GPHN: variants seen among roughly 807,000 people sequenced by gnomAD.
GPHN encodes the protein gephyrin.
Under a neutral mutation model 95.5 loss-of-function variants are expected in GPHN, and 17 were observed. That is an observed-to-expected ratio of 0.18 (90% CI 0.12 to 0.27). The LOEUF is 0.27. Among genes scored for constraint, GPHN ranks in the 10% least tolerant of loss-of-function variants. The pLI, the probability that GPHN is intolerant of heterozygous loss-of-function variation, is 1.00. For missense variants in GPHN, 660 were observed against 978.1 expected (o/e 0.67, Z 4.34); for synonymous variants, 320 against 322.5 (o/e 0.99, Z 0.08).
At chr14:67,557,404 C>T in the GPHN span, 1 of 1,613,362 alleles carries the variant, frequency 6.2e-7, no homozygotes, top group Non-Finnish European at 8.5e-7. Flanking sequence ...GCTAGAGGCT[C>T]AGCTGGAGAA....
the GPHN span, among the ~76,000 whole-genome samples, chr14:67,389,536 C>T: frequency 6.6e-6 from 1 of 152,228 alleles, no homozygotes; most frequent in Admixed American, 6.5e-5. Flanking sequence ...ATCTCTTCTG[C>T]ACTGTTTCCA....
At chr14:67,729,246 C>T in the GPHN span, 1 of 1,610,296 alleles carries the variant, frequency 6.2e-7, no homozygotes, top group Non-Finnish European at 8.5e-7. Context: ...CTGAGCTGGT[C>T]CGGCACTCCT....
chr14:67,547,887 G>A, the GPHN span, among the ~76,000 whole-genome samples: 3 of 152,168 alleles, frequency 2.0e-5, no homozygotes, highest in East Asian at 5.8e-4. Context: ...AGAGAGAGCC[G>A]GATGAAGGGA....
the GPHN span, among the ~76,000 whole-genome samples, chr14:67,323,245 G>A: frequency 1.4e-5 from 2 of 141,206 alleles, no homozygotes; most frequent in African/African-American, 5.7e-5. Context: ...GTGTGTGTGT[G>A]TGTGTGTGTG....
intron 8 of GPHN, among the ~76,000 whole-genome samples, chr14:66,947,321 C>T (rs562898700): frequency 6.6e-6 from 1 of 152,208 alleles, no homozygotes; most frequent in African/African-American, 2.4e-5. Flanking sequence ...CACTGCCCAC[C>T]TAAATTATGC....
At chr14:67,431,607 G>A in the GPHN span, among the ~76,000 whole-genome samples, 3 of 151,944 alleles carry the variant, frequency 2.0e-5, no homozygotes, top group African/African-American at 7.3e-5. Flanking sequence ...TGGGAGGATC[G>A]CTTGAGCCCA....
chr14:66,986,507 A>T (rs545733579), intron 9 of GPHN, among the ~76,000 whole-genome samples: 1 of 152,132 alleles, frequency 6.6e-6, no homozygotes, highest in African/African-American at 2.4e-5. Flanking sequence ...GTACTCAAAC[A>T]TTTAATCATA....
intron 2 of GPHN, among the ~76,000 whole-genome samples, chr14:66,709,902 G>T (rs925738895): frequency 6.6e-6 from 1 of 151,906 alleles, no homozygotes; most frequent in East Asian, 1.9e-4. Flanking sequence ...AGAGAAGTTG[G>T]ATTGCAGGAA....
chr14:66,681,020 C>A (rs2153395248), intron 1 of GPHN, 87 bp from the exon 2 acceptor site: 5 of 741,750 alleles, frequency 6.7e-6, no homozygotes, highest in South Asian at 1.6e-5. Flanking sequence ...AGCTATTTTT[C>A]ATTTCAAAAT....
chr14:67,540,703 G>A, the GPHN span, among the ~76,000 whole-genome samples: 89 of 151,906 alleles, frequency 5.9e-4, no homozygotes, highest in Middle Eastern at 3.4e-3. Context: ...GTGACCATGT[G>A]TCATGGTTTG....
At chr14:67,697,115 G>GTGTATA in the GPHN span, among the ~76,000 whole-genome samples, 190 of 152,292 alleles carry the variant, frequency 1.2e-3, no homozygotes, top group Non-Finnish European at 2.3e-3. Flanking sequence ...TAGTGTACTA[G>GTGTATA]GCACTGTGCT....
chr14:66,517,849 C>T, intron 1 of GPHN, among the ~76,000 whole-genome samples: 1 of 151,914 alleles, frequency 6.6e-6, no homozygotes, highest in Non-Finnish European at 1.5e-5. Flanking sequence ...TAGAAGAAAA[C>T]ATAGGGGAAA....
At position 66,517,126 on chromosome 14, in the gene GPHN, CAAAAAAAAAAAA is replaced by C. The variant is rs1171024713; in HGVS notation, c.64+8550_64+8561del. 5.5e-3 allele frequency among the ~76,000 whole-genome samples: 170 copies of C among 31,014 alleles called. 1 individual carries two copies. Among genetic ancestry groups the C allele is most frequent in the Admixed American group, 0.017 (50 of 2,868 alleles). 20.3% of individuals were successfully genotyped at this position (31,014 alleles called of 152,430 possible). The stretch of plus-strand genomic sequence containing the variant: ...CTGGCCACACAGTGAGACTCCATCT[CAAAAAAAAAAAA>C]AAAAAAAAAAAAAAGAAGAAACTGA... On this transcript the variant is annotated intron_variant, in intron 1 of 22. Transcript: ENST00000478722.
the GPHN span, among the ~76,000 whole-genome samples, chr14:67,476,121 G>A: frequency 6.6e-6 from 1 of 152,342 alleles, no homozygotes; most frequent in South Asian, 2.1e-4. Context: ...TCCAAGGTGG[G>A]AGAAAAGACA....
chr14:67,350,332 C>T, the GPHN span, among the ~76,000 whole-genome samples: 1 of 151,974 alleles, frequency 6.6e-6, no homozygotes, highest in Non-Finnish European at 1.5e-5. Context: ...TGAGAAAGAT[C>T]ATACAGCCAT....
chr14:66,810,579 A>G (rs1006978718), intron 3 of GPHN, among the ~76,000 whole-genome samples: 1 of 152,090 alleles, frequency 6.6e-6, no homozygotes, highest in African/African-American at 2.4e-5. Flanking sequence ...TTACTAATAT[A>G]TAATATTAAT....
chr14:66,878,954 A>C (rs1017724262), intron 4 of GPHN, among the ~76,000 whole-genome samples: 2 of 152,138 alleles, frequency 1.3e-5, no homozygotes, highest in African/African-American at 4.8e-5. Context: ...CTTGGAACCA[A>C]CCCAAATGTC....
chr14:67,441,990 G>A, the GPHN span: 1 of 153,722 alleles, frequency 6.5e-6, no homozygotes, highest in Non-Finnish European at 1.5e-5. Context: ...GACTAATATA[G>A]GCCCTCTACT....
chr14:66,557,286 A>AGAT, intron 1 of GPHN, among the ~76,000 whole-genome samples: 2 of 141,204 alleles, frequency 1.4e-5, no homozygotes, highest in Non-Finnish European at 3.1e-5. Flanking sequence ...GATAGATAGA[A>AGAT]TGAATTTAAT....
Sources: allele counts gnomAD v4.1 joint callset (sites outside exome capture counted in the v4.1 genomes callset), GRCh38; gene constraint gnomAD v4.1.1; transcripts MANE v1.5; gene names NCBI Gene and HGNC (gene_info 2026-07-23, HGNC 2026-07-21).